Variants in ARMC2 observed in about 807,000 individuals in gnomAD.
ARMC2 encodes armadillo repeat containing 2.
Under a neutral mutation model 90.3 loss-of-function variants are expected in ARMC2, and 67 were observed. That is an observed-to-expected ratio of 0.74 (90% CI 0.61 to 0.91). The LOEUF (loss-of-function observed/expected upper bound fraction) is 0.91. ARMC2 is among the 40% of genes least tolerant of loss of function. ARMC2 has a pLI of 0.00. For missense variants in ARMC2, 920 were observed against 1,030.9 expected, an observed-to-expected ratio of 0.89 and a Z score of 1.47; for synonymous variants, 393 against 393.0, an observed-to-expected ratio of 1.00 and a Z score of 0.00.
At chr6:108,850,050 A>T (rs908303634) in intron 1 of ARMC2, among the ~76,000 whole-genome samples, 2 of 152,270 alleles carry the variant, frequency 1.3e-5, no homozygotes, top group Non-Finnish European at 2.9e-5. Context: ...TGTTGCATTT[A>T]GCAAGAAGGC....
chr6:109,038,552 G>C, the ARMC2 span, among the ~76,000 whole-genome samples: 3 of 152,196 alleles, frequency 2.0e-5, no homozygotes, highest in African/African-American at 7.2e-5. Flanking sequence ...ACAGCACAAT[G>C]AGATGTTGAC....
Position 108,904,254 on chromosome 6 carries a change from C to T in ARMC2, c.872C>T (p.Ala291Val), listed in dbSNP as rs1359924379. 2 of 1,613,620 alleles carry T rather than the reference C, an allele frequency of 1.2e-6. No homozygotes were observed. Among genetic ancestry groups the T allele is most frequent in the Non-Finnish European group, 1.7e-6 (2 of 1,179,758 alleles). ...GAAGAAAACATTGAAACGGTTTGTG[C>T]TGCTTGCACACAACTTCATCATGCT... is the stretch of plus-strand genomic sequence containing the variant. Reference protein sequence around the residue: ...EKEENIETVCAACTQLHHALE... With the variant: ...EKEENIETVCVACTQLHHALE... Residue 291 changes from alanine (A) to valine (V), a missense_variant, in exon 8 of 18, where the codon GCT becomes GTT. Coordinates refer to ENST00000392644, the MANE Select transcript of ARMC2 (RefSeq NM_032131.6).
At chr6:108,869,923 A>G (rs959298963) in intron 4 of ARMC2, among the ~76,000 whole-genome samples, 3 of 152,214 alleles carry the variant, frequency 2.0e-5, no homozygotes, top group African/African-American at 7.2e-5. Context: ...AAAATGAAGT[A>G]GAATAGAATA....
At position 108,892,309 on chromosome 6, in the gene ARMC2, G is replaced by A. The variant is rs147792181; in HGVS notation, c.672-2158G>A. On this transcript the variant is annotated intron_variant, in intron 5 of 17. Coordinates refer to ENST00000392644, the MANE Select transcript of ARMC2 (RefSeq NM_032131.6). ...CCTTCTTTGAGAGGTCCCTGTCCCC[G>A]TAGCCATTTTCGATTGGCTAGTGAC... Among the ~76,000 whole-genome samples the A allele has an allele frequency of 4.2e-3, 636 of 152,164 alleles. 3 individuals are homozygous for A. The highest frequency in any genetic ancestry group is 0.014 in the African/African-American group (595 of 41,496).
the ARMC2 span, among the ~76,000 whole-genome samples, chr6:108,980,292 CCT>C: frequency 6.6e-6 from 1 of 152,066 alleles, no homozygotes; most frequent in African/African-American, 2.4e-5. Flanking sequence ...CACTATAGAC[CCT>C]GTTTGCCTGG....
chr6:108,986,564 A>AAGTT, the ARMC2 span: 3 of 152,676 alleles, frequency 2.0e-5, no homozygotes, highest in Admixed American at 1.3e-4. Context: ...ATTTCAAACA[A>AAGTT]AGTTAGCGTT....
chr6:108,998,660 T>C, the ARMC2 span: 2 of 1,613,906 alleles, frequency 1.2e-6, no homozygotes, highest in Non-Finnish European at 1.7e-6. Flanking sequence ...CACAGCCGAA[T>C]GTGAATGAGG....
intron 7 of ARMC2, among the ~76,000 whole-genome samples, chr6:108,903,316 C>T (rs1772343456): frequency 6.6e-6 from 1 of 151,620 alleles, no homozygotes; most frequent in Non-Finnish European, 1.5e-5. Flanking sequence ...CTATATTGCC[C>T]AGGCTGGCCT....
At chr6:109,013,361 A>G in the ARMC2 span, among the ~76,000 whole-genome samples, 4 of 152,196 alleles carry the variant, frequency 2.6e-5, no homozygotes, top group Non-Finnish European at 5.9e-5. Context: ...AGTGTAGAAG[A>G]TGACAGTGGA....
intron 3 of ARMC2, among the ~76,000 whole-genome samples, chr6:108,859,194 T>C (rs1295635836): frequency 1.3e-5 from 2 of 152,180 alleles, no homozygotes; most frequent in East Asian, 3.9e-4. Context: ...ACCTTCTATG[T>C]TCAGGCACAT....
chr6:108,939,185 T>C (rs1276982822), intron 12 of ARMC2, among the ~76,000 whole-genome samples: 3 of 152,226 alleles, frequency 2.0e-5, no homozygotes, highest in Non-Finnish European at 4.4e-5. Context: ...ATTTTCACGT[T>C]AGACCAATGG....
At chr6:108,910,751 G>T (rs912663918) in intron 8 of ARMC2, 148 bp from the exon 9 acceptor site, 13 of 479,514 alleles carry the variant, frequency 2.7e-5, no homozygotes, top group African/African-American at 2.1e-4. Flanking sequence ...CAAATATGTG[G>T]TCTAAATTTT....
At chr6:108,951,126 CAG>C (rs1408692806) in intron 12 of ARMC2, among the ~76,000 whole-genome samples, 2 of 152,298 alleles carry the variant, frequency 1.3e-5, no homozygotes, top group Admixed American at 1.3e-4. Flanking sequence ...AATGGATGTA[CAG>C]AGAGGCCAAG....
At chr6:108,930,870 C>A (rs1188636856) in intron 11 of ARMC2, among the ~76,000 whole-genome samples, 1 of 151,102 alleles carries the variant, frequency 6.6e-6, no homozygotes, top group South Asian at 2.1e-4. Context: ...GCTGGGATTA[C>A]AGGCGTGAGC....
At chr6:109,020,979 C>T in the ARMC2 span, among the ~76,000 whole-genome samples, 1 of 152,178 alleles carries the variant, frequency 6.6e-6, no homozygotes, top group South Asian at 2.1e-4. Context: ...TAATCTCCTT[C>T]ACCCACCATT....
chr6:109,048,105 A>T, the ARMC2 span, among the ~76,000 whole-genome samples: 26 of 64,164 alleles, frequency 4.1e-4, no homozygotes, highest in East Asian at 1.4e-3. Context: ...AAAATAAATT[A>T]AAAAAAAAAA....
Position 108,953,046 on chromosome 6 carries a change from G to C in ARMC2, c.1610G>C (p.Arg537Pro). The part of the protein sequence containing the change: ...KYQKKQDLVV[R>P]VVFILGNLTA... The stretch of plus-strand genomic sequence containing the variant: ...CGTTTATTGCAGGATTTAGTCGTCC[G>C]TGTTGTTTTTATTCTTGGCAACCTG... The change falls in exon 13 of 18, where the codon CGT (arginine) becomes CCT (proline). Residue 537 changes from arginine (R) to proline (P), a missense_variant. Transcript: ENST00000392644. 6.2e-7 allele frequency: 1 copy of C among 1,610,118 alleles called. No individual in the cohort carries two copies. Among genetic ancestry groups the C allele is most frequent in the Non-Finnish European group, 8.5e-7 (1 of 1,177,978 alleles).
chr6:108,921,437 T>G (rs1466944902), intron 10 of ARMC2, among the ~76,000 whole-genome samples: 1 of 152,124 alleles, frequency 6.6e-6, no homozygotes, highest in South Asian at 2.1e-4. Flanking sequence ...AGGCACCGAG[T>G]GTTATCAAGG....
chr6:108,924,434 C>T (rs1774912748), intron 10 of ARMC2, among the ~76,000 whole-genome samples: 1 of 152,038 alleles, frequency 6.6e-6, no homozygotes, highest in Non-Finnish European at 1.5e-5. Context: ...AGGAGAATCG[C>T]TTGAACCCAG....
Sources: allele counts gnomAD v4.1 joint callset (sites outside exome capture counted in the v4.1 genomes callset), GRCh38; gene constraint gnomAD v4.1.1; transcripts MANE v1.5; gene names NCBI Gene and HGNC (gene_info 2026-07-23, HGNC 2026-07-21).